Variants in CCR5AS observed in about 807,000 individuals in gnomAD.
CCR5AS encodes CCR5 antisense RNA.
rs141116482 is a variant in CCR5AS, at chr3:46,403,074, G to A, written n.163+3823C>T. 2.0e-4 allele frequency among the ~76,000 whole-genome samples: 31 copies of A among 152,308 alleles called. No homozygotes were observed. The South Asian group carries it at 4.6e-3, about 22-fold the overall frequency. ...TGTTTCCACAAAAAAACATGATCTC[G>A]TTCTTTTCATGGCTGCATAGTATTC... is the stretch of plus-strand genomic sequence containing the variant. On this transcript the variant is annotated intron_variant and non_coding_transcript_variant, in intron 1 of 3. Coordinates refer to ENST00000451485, the Ensembl canonical transcript of CCR5AS.
chr3:46,387,978 C>A (rs376960123), intron 2 of CCR5AS, among the ~76,000 whole-genome samples: 12 of 152,126 alleles, frequency 7.9e-5, no homozygotes, highest in East Asian at 7.7e-4. Context: ...GGGGCAGGAA[C>A]AAATTACAAT....
At chr3:46,372,872 C>G (rs773768514) in intron 2 of CCR5AS, 2 of 1,489,982 alleles carry the variant, frequency 1.3e-6, no homozygotes, top group Non-Finnish European at 1.8e-6. Context: ...TATAAAAGAT[C>G]ACTTTTTATT....
intron 2 of CCR5AS, among the ~76,000 whole-genome samples, chr3:46,383,670 C>T (rs1037051933): frequency 2.0e-5 from 3 of 152,076 alleles, no homozygotes; most frequent in Admixed American, 1.3e-4. Context: ...TTCCTCCAGC[C>T]GTCCTCTGAG....
intron 2 of CCR5AS, among the ~76,000 whole-genome samples, chr3:46,376,756 G>A (rs1056974164): frequency 1.3e-4 from 20 of 152,296 alleles, no homozygotes; most frequent in African/African-American, 4.6e-4. Flanking sequence ...CTTACCCTGA[G>A]AGAGGACAGG....
intron 2 of CCR5AS, among the ~76,000 whole-genome samples, chr3:46,387,552 C>T (rs1352875321): frequency 1.3e-5 from 2 of 152,112 alleles, no homozygotes; most frequent in Non-Finnish European, 2.9e-5. Context: ...AGTTCAAGAC[C>T]AGCCTGAGCA....
At chr3:46,386,142 C>T (rs543431285) in intron 2 of CCR5AS, among the ~76,000 whole-genome samples, 2 of 152,164 alleles carry the variant, frequency 1.3e-5, no homozygotes, top group East Asian at 3.9e-4. Context: ...TCTTGAACTC[C>T]TGGACTCAGG....
At chr3:46,388,352 T>A (rs1269974936) in intron 2 of CCR5AS, among the ~76,000 whole-genome samples, 1 of 152,190 alleles carries the variant, frequency 6.6e-6, no homozygotes. Flanking sequence ...AGAGCAATTC[T>A]CATATAGAAT....
At chr3:46,388,956 A>G (rs1701884834) in intron 2 of CCR5AS, among the ~76,000 whole-genome samples, 2 of 152,166 alleles carry the variant, frequency 1.3e-5, no homozygotes, top group African/African-American at 4.8e-5. Context: ...GGAGATATCC[A>G]CTATGATGGT....
At chr3:46,380,610 C>T (rs889522866) in intron 2 of CCR5AS, among the ~76,000 whole-genome samples, 2 of 152,284 alleles carry the variant, frequency 1.3e-5, no homozygotes, top group Admixed American at 6.5e-5. Context: ...GCTCCAACAG[C>T]GGCATGTTTT....
In CCR5AS at chr3:46,373,349, T is replaced by A. The variant is rs1426393981; in HGVS notation, n.392-1932A>T. 2.5e-6 allele frequency: 4 copies of A among 1,614,038 alleles called. No individual in the cohort carries two copies. In the African/African-American group the frequency reaches 5.3e-5, roughly 22 times the overall value. ...CGGTCACCTTTGGGGTGGTGACAAG[T>A]GTGATCACTTGGGTGGTGGCTGTGT... is the stretch of plus-strand genomic sequence containing the variant. On this transcript the variant is annotated intron_variant and non_coding_transcript_variant, in intron 2 of 3. Coordinates refer to ENST00000451485, the Ensembl canonical transcript of CCR5AS.
At chr3:46,372,586 TA>T (rs1305242544) in intron 2 of CCR5AS, 1 of 192,762 alleles carries the variant, frequency 5.2e-6, no homozygotes, top group Non-Finnish European at 1.1e-5. Context: ...CCCAGTTTCT[TA>T]AAATTGTTGT....
At chr3:46,397,716 G>A (rs1371591137) in intron 1 of CCR5AS, among the ~76,000 whole-genome samples, 1 of 152,246 alleles carries the variant, frequency 6.6e-6, no homozygotes, top group Non-Finnish European at 1.5e-5. Context: ...AGGGGAGCCT[G>A]CTGTTAATAA....
intron 2 of CCR5AS, among the ~76,000 whole-genome samples, chr3:46,381,847 C>T (rs1454014171): frequency 1.3e-5 from 2 of 152,214 alleles, no homozygotes; most frequent in African/African-American, 4.8e-5. Context: ...AGCCTTGGGG[C>T]TGTGGGAGCT....
intron 2 of CCR5AS, among the ~76,000 whole-genome samples, chr3:46,379,462 C>T (rs1701794068): frequency 6.6e-6 from 1 of 152,146 alleles, no homozygotes; most frequent in African/African-American, 2.4e-5. Context: ...TCTCCTTTCT[C>T]TATTATTGTT....
intron 2 of CCR5AS, chr3:46,375,630 A>G (rs1215821236): frequency 1.1e-4 from 17 of 150,506 alleles, no homozygotes. Context: ...CAAAAGTACA[A>G]TTTACCAGCC....
intron 2 of CCR5AS, among the ~76,000 whole-genome samples, chr3:46,376,637 C>G (rs2106756026): frequency 6.6e-6 from 1 of 152,312 alleles, no homozygotes; most frequent in African/African-American, 2.4e-5. Context: ...GTAGGCACAT[C>G]ATATGTGAGA....
At chr3:46,377,095 A>T (rs1460694068) in intron 2 of CCR5AS, among the ~76,000 whole-genome samples, 1 of 152,210 alleles carries the variant, frequency 6.6e-6, no homozygotes, top group Non-Finnish European at 1.5e-5. Flanking sequence ...GGAGGAAGGC[A>T]GTGCGGCAGG....
At chr3:46,390,179 G>C (rs1479004166) in intron 2 of CCR5AS, among the ~76,000 whole-genome samples, 1 of 152,168 alleles carries the variant, frequency 6.6e-6, no homozygotes, top group East Asian at 1.9e-4. Context: ...GGACTGGTGG[G>C]TGTCAGAGTC....
chr3:46,373,480 T>C (rs947098028), intron 2 of CCR5AS: 1 of 1,316,594 alleles, frequency 7.6e-7, no homozygotes, highest in African/African-American at 1.4e-5. Context: ...TGGAAGAATT[T>C]CCAGACATTA....
Sources: gnomAD v4.1 joint callset for allele counts (sites outside exome capture counted in the v4.1 genomes callset) on GRCh38, gnomAD v4.1.1 for gene constraint, MANE v1.5 for transcripts, NCBI Gene and HGNC (gene_info 2026-07-23, HGNC 2026-07-21) for gene names.